The following TRABD2B variants were observed in gnomAD, a reference collection of about 807,000 sequenced individuals.
TRABD2B encodes metalloprotease TIKI2.
Under a neutral mutation model 40.1 loss-of-function variants are expected in TRABD2B, and 14 were observed. The ratio of observed to expected loss-of-function variants is 0.35; its 90% confidence interval spans 0.23 to 0.55. The LOEUF (loss-of-function observed/expected upper bound fraction) is 0.55. TRABD2B is among the 20% of genes least tolerant of loss of function. TRABD2B has a pLI of 0.90. For synonymous variants in TRABD2B, 263 were observed against 277.0 expected, an observed-to-expected ratio of 0.95 and a Z score of 0.50; for missense variants, 541 against 648.6, an observed-to-expected ratio of 0.83 and a Z score of 1.80.
At chr1:47,830,331 G>A (rs1557599232) in intron 2 of TRABD2B, among the ~76,000 whole-genome samples, 4 of 152,210 alleles carry the variant, frequency 2.6e-5, no homozygotes, top group African/African-American at 7.2e-5. Context: ...AGACCCTTGG[G>A]GAGACAGTAA....
chr1:47,824,059 G>A (rs1219908985), intron 2 of TRABD2B, among the ~76,000 whole-genome samples: 2 of 152,178 alleles, frequency 1.3e-5, no homozygotes, highest in Admixed American at 6.5e-5. Context: ...GGCCTTCAGA[G>A]GAAAGTTGGC....
At chr1:47,882,297 C>T (rs1235535836) in intron 2 of TRABD2B, among the ~76,000 whole-genome samples, 4 of 152,212 alleles carry the variant, frequency 2.6e-5, no homozygotes, top group Admixed American at 1.3e-4. Context: ...CCTGACCACC[C>T]GCCACAGTGA....
rs917363929 is a variant in TRABD2B at position 47,994,766 on chromosome 1, T to C, written c.103-169A>G. ...GCCTGAAAGACCCACATTGAAAACCTAGCTTTGCCCTGTCTTAGATGTATG... is the reference window on the plus strand; with the variant it reads ...GCCTGAAAGACCCACATTGAAAACCCAGCTTTGCCCTGTCTTAGATGTATG... On this transcript the variant is annotated intron_variant, in intron 1 of 6. Coordinates refer to ENST00000606738, the MANE Select transcript of TRABD2B (RefSeq NM_001194986.2). The surrounding 1 kb of genome is among the most constrained non-coding windows in gnomAD (Gnocchi z 6.7). Among the ~76,000 whole-genome samples the C allele has an allele frequency of 6.6e-6, 1 of 152,198 alleles. No individual in the cohort carries two copies. Among genetic ancestry groups the C allele is most frequent in the Non-Finnish European group, 1.5e-5 (1 of 68,032 alleles).
chr1:47,858,872 G>A (rs894504028), intron 2 of TRABD2B, among the ~76,000 whole-genome samples: 5 of 152,220 alleles, frequency 3.3e-5, no homozygotes, highest in Non-Finnish European at 4.4e-5. Flanking sequence ...TGGTGGACTA[G>A]TGGGATAACT....
intron 2 of TRABD2B, among the ~76,000 whole-genome samples, chr1:47,840,063 C>T (rs1389824009): frequency 6.6e-6 from 1 of 152,110 alleles, no homozygotes; most frequent in Non-Finnish European, 1.5e-5. Flanking sequence ...TGGGGTGCAG[C>T]CCAGGGCCTA....
chr1:47,987,743 C>T (rs749664894), intron 2 of TRABD2B, among the ~76,000 whole-genome samples: 47 of 152,306 alleles, frequency 3.1e-4, no homozygotes, highest in Admixed American at 1.0e-3. Context: ...GCCCAGGGGT[C>T]CCTGCTAGGG....
intron 2 of TRABD2B, among the ~76,000 whole-genome samples, chr1:47,823,111 G>T (rs1645132285): frequency 6.6e-6 from 1 of 152,244 alleles, no homozygotes; most frequent in African/African-American, 2.4e-5. Flanking sequence ...TGTGTGATAG[G>T]GTCTTGCTGT....
chr1:47,815,217 G>C (rs553207491), intron 2 of TRABD2B, among the ~76,000 whole-genome samples: 4 of 152,230 alleles, frequency 2.6e-5, no homozygotes, highest in Non-Finnish European at 2.9e-5. Context: ...CTTGGGAAAA[G>C]AACACAGAGA....
intron 2 of TRABD2B, among the ~76,000 whole-genome samples, chr1:47,923,514 A>G (rs1311633655): frequency 6.6e-6 from 1 of 152,114 alleles, no homozygotes; most frequent in African/African-American, 2.4e-5. Flanking sequence ...TGAGAAAGGG[A>G]TTTTTCATCA....
At chr1:47,816,995 T>C (rs11211609) in intron 2 of TRABD2B, among the ~76,000 whole-genome samples, 13,265 of 151,744 alleles carry the variant, frequency 0.087, 665 homozygotes, top group African/African-American at 0.13. Flanking sequence ...GTAACGAGAG[T>C]GGGGGCTATG....
At chr1:47,972,345 A>G (rs1157688821) in intron 2 of TRABD2B, among the ~76,000 whole-genome samples, 3 of 152,072 alleles carry the variant, frequency 2.0e-5, no homozygotes, top group Admixed American at 1.3e-4. Context: ...GTTTTTCAGC[A>G]CTGTTATGTA....
chr1:47,966,750 T>C (rs943115074), intron 2 of TRABD2B, among the ~76,000 whole-genome samples: 44 of 151,494 alleles, frequency 2.9e-4, no homozygotes, highest in African/African-American at 1.1e-3. Context: ...ACTGAAAATA[T>C]AAAAATTAGC....
intron 2 of TRABD2B, among the ~76,000 whole-genome samples, chr1:47,824,400 C>T (rs1239949432): frequency 6.6e-6 from 1 of 152,204 alleles, no homozygotes; most frequent in Admixed American, 6.5e-5. Flanking sequence ...ACCTACTGAC[C>T]ACTCACTTTG....
chr1:47,890,523 A>G (rs548901915), intron 2 of TRABD2B, among the ~76,000 whole-genome samples: 1 of 152,292 alleles, frequency 6.6e-6, no homozygotes, highest in East Asian at 1.9e-4. Context: ...AGTGTTCTAC[A>G]GGGTGACCAG....
At chr1:47,952,474 A>G (rs1266310301) in intron 2 of TRABD2B, among the ~76,000 whole-genome samples, 2 of 152,322 alleles carry the variant, frequency 1.3e-5, no homozygotes, top group East Asian at 1.9e-4. Flanking sequence ...GAAGAATGCC[A>G]GGCTACTTCA....
chr1:47,904,462 T>C (rs909931141), intron 2 of TRABD2B, among the ~76,000 whole-genome samples: 14 of 152,300 alleles, frequency 9.2e-5, no homozygotes, highest in Non-Finnish European at 1.8e-4. Context: ...ATGGAAACCA[T>C]GTTACCGTGT....
At chr1:47,819,448 A>G (rs1645077791) in intron 2 of TRABD2B, 1 of 152,244 alleles carries the variant, frequency 6.6e-6, no homozygotes, top group African/African-American at 2.4e-5. Flanking sequence ...GGTCCCCAGG[A>G]GGCTTGCTAA....
At chr1:47,834,159 A>G (rs1055864006) in intron 2 of TRABD2B, among the ~76,000 whole-genome samples, 4 of 152,158 alleles carry the variant, frequency 2.6e-5, no homozygotes, top group East Asian at 1.9e-4. Context: ...CCTACCCTCA[A>G]TGCTGTCTGT....
At chr1:47,953,912 C>G (rs989551704) in intron 2 of TRABD2B, among the ~76,000 whole-genome samples, 12 of 152,164 alleles carry the variant, frequency 7.9e-5, no homozygotes, top group African/African-American at 2.9e-4. Context: ...CACATGAATT[C>G]GGAGAATCAG....
Sources: gnomAD v4.1 joint callset for allele counts (sites outside exome capture counted in the v4.1 genomes callset) on GRCh38, gnomAD v4.1.1 for gene constraint, Gnocchi (gnomAD v3.1) non-coding constraint, MANE v1.5 for transcripts, NCBI Gene and HGNC (gene_info 2026-07-23, HGNC 2026-07-21) for gene names.